The following GRIP1 variants were observed in gnomAD, a reference collection of about 807,000 sequenced individuals.
GRIP1 encodes glutamate receptor-interacting protein 1.
In GRIP1, 45 loss-of-function variants were observed where a neutral mutation model predicts 129.9. That is an observed-to-expected ratio of 0.35 (90% CI 0.27 to 0.44). The LOEUF (loss-of-function observed/expected upper bound fraction) is 0.44, where lower values mean the gene tolerates loss of function less well. Ranked by LOEUF, GRIP1 falls within the 20% of genes least tolerant of loss-of-function variation. The pLI is 1.00. For synonymous variants in GRIP1, 530 were observed against 520.8 expected (o/e 1.02, Z -0.24); for missense variants, 1,196 against 1,396.8 (o/e 0.86, Z 2.29).
intron 1 of GRIP1, among the ~76,000 whole-genome samples, chr12:66,761,127 A>T (rs557107999): frequency 9.9e-5 from 15 of 151,934 alleles, no homozygotes; most frequent in Admixed American, 9.8e-4. Flanking sequence ...TTTCCTTTTC[A>T]GCTCTCCCTA....
At chr12:66,758,871 C>G (rs2037383503) in intron 1 of GRIP1, among the ~76,000 whole-genome samples, 1 of 152,114 alleles carries the variant, frequency 6.6e-6, no homozygotes, top group Non-Finnish European at 1.5e-5. Context: ...TTGGGCAGCT[C>G]TGCTCCTGTG....
intron 1 of GRIP1, among the ~76,000 whole-genome samples, chr12:66,707,694 CA>C (rs1488523700): frequency 6.6e-6 from 1 of 151,836 alleles, no homozygotes; most frequent in Non-Finnish European, 1.5e-5. Flanking sequence ...TCCTCTTTTA[CA>C]AAGTTGGATG....
rs150011931 is a variant in GRIP1, at chr12:66,761,395, C to T, written c.-420+42658G>A. 5.9e-5 allele frequency among the ~76,000 whole-genome samples: 9 copies of T among 152,260 alleles called. No individual in the cohort carries two copies. In the East Asian group the frequency reaches 1.2e-3, roughly 20 times the overall value. On this transcript the variant is annotated intron_variant, in intron 1 of 4. Coordinates refer to the GRIP1 transcript ENST00000538373. ...TACTTTTTGCTCCAGCTTATTTCTG[C>T]ATATTTGCTTATTGTTTCCTTACCT...
intron 2 of GRIP1, chr12:66,569,007 G>T: frequency 2.1e-6 from 1 of 468,400 alleles, no homozygotes; most frequent in South Asian, 1.6e-5. Context: ...TTCTATCTGC[G>T]TGCTTCTCAG....
At chr12:67,015,215 CATTAAG>C (rs1239188090) in intron 1 of GRIP1, among the ~76,000 whole-genome samples, 1 of 152,136 alleles carries the variant, frequency 6.6e-6, no homozygotes, top group East Asian at 1.9e-4. Flanking sequence ...TTCTGCAGCA[CATTAAG>C]ATGTGCATTA....
chr12:67,053,202 G>T (rs1320864665), intron 1 of GRIP1, among the ~76,000 whole-genome samples: 1 of 152,146 alleles, frequency 6.6e-6, no homozygotes, highest in Non-Finnish European at 1.5e-5. Context: ...GGAATGCTGT[G>T]CCAGGCATTT....
At chr12:66,576,504 C>A (rs181085042) in intron 2 of GRIP1, among the ~76,000 whole-genome samples, 1 of 152,172 alleles carries the variant, frequency 6.6e-6, no homozygotes, top group Non-Finnish European at 1.5e-5. Context: ...CTGACTCACT[C>A]GAGAGCTGTG....
At chr12:66,495,297 G>A (rs556615917) in intron 7 of GRIP1, among the ~76,000 whole-genome samples, 1 of 152,352 alleles carries the variant, frequency 6.6e-6, no homozygotes, top group South Asian at 2.1e-4. Flanking sequence ...CTAAAAGAAA[G>A]TTATGAGAGA....
intron 1 of GRIP1, among the ~76,000 whole-genome samples, chr12:66,768,324 T>C (rs570205839): frequency 7.9e-5 from 12 of 152,242 alleles, no homozygotes; most frequent in Admixed American, 1.3e-4. Flanking sequence ...TCCCAAGTTA[T>C]ATAATTGTGG....
intron 1 of GRIP1, among the ~76,000 whole-genome samples, chr12:66,843,518 G>A (rs1453512044): frequency 6.6e-6 from 1 of 152,002 alleles, no homozygotes; most frequent in Admixed American, 6.6e-5. Flanking sequence ...ATCATGAAAA[G>A]ACTAACAAAT....
upstream of GRIP1, among the ~76,000 whole-genome samples, chr12:66,808,464 C>T (rs1430011131): frequency 6.6e-6 from 1 of 151,812 alleles, no homozygotes; most frequent in Non-Finnish European, 1.5e-5. Context: ...TGTCCAGCTA[C>T]TTTTTGTGTT....
intron 7 of GRIP1, among the ~76,000 whole-genome samples, chr12:66,481,738 C>T (rs12426787): frequency 0.22 from 33,634 of 152,016 alleles, 4,288 homozygotes; most frequent in Middle Eastern, 0.41. Context: ...GAAAATGTGG[C>T]GCATATATAC....
chr12:66,817,470 C>T (rs774774768), intron 1 of GRIP1, among the ~76,000 whole-genome samples: 14 of 152,120 alleles, frequency 9.2e-5, no homozygotes, highest in Non-Finnish European at 1.9e-4. Flanking sequence ...AGTGCAGTGA[C>T]ATGATCTCAG....
At chr12:66,814,287 A>G (rs2039162599) in intron 1 of GRIP1, among the ~76,000 whole-genome samples, 1 of 152,178 alleles carries the variant, frequency 6.6e-6, no homozygotes, top group African/African-American at 2.4e-5. Flanking sequence ...TGTGAGTATT[A>G]AATGAGTACA....
At chr12:66,744,814 G>GT (rs1218904706) in intron 1 of GRIP1, among the ~76,000 whole-genome samples, 2 of 151,938 alleles carry the variant, frequency 1.3e-5, no homozygotes, top group Non-Finnish European at 2.9e-5. Flanking sequence ...TCATAATTTA[G>GT]TTTTATACAC....
chr12:66,745,149 T>C (rs2036906176), intron 1 of GRIP1, among the ~76,000 whole-genome samples: 1 of 152,098 alleles, frequency 6.6e-6, no homozygotes, highest in African/African-American at 2.4e-5. Context: ...ATTACCTCAA[T>C]AGGATGTCAG....
intron 1 of GRIP1, among the ~76,000 whole-genome samples, chr12:66,922,163 G>A (rs1395744607): frequency 2.6e-5 from 4 of 152,302 alleles, no homozygotes; most frequent in Non-Finnish European, 4.4e-5. Context: ...AAAGAATGAG[G>A]AAAACCAATT....
chr12:67,054,678 T>C (rs1331980145), intron 1 of GRIP1, among the ~76,000 whole-genome samples: 1 of 151,250 alleles, frequency 6.6e-6, no homozygotes, highest in Non-Finnish European at 1.5e-5. Context: ...ACAGGAGAAT[T>C]GCTTGAACCC....
intron 1 of GRIP1, among the ~76,000 whole-genome samples, chr12:66,998,336 T>C (rs1179010199): frequency 2.0e-5 from 3 of 152,142 alleles, no homozygotes; most frequent in Non-Finnish European, 4.4e-5. Context: ...ATAGGGAAGT[T>C]GGAATTTCTG....
Sources: allele counts gnomAD v4.1 joint callset (sites outside exome capture counted in the v4.1 genomes callset), GRCh38; gene constraint gnomAD v4.1.1; transcripts MANE v1.5; gene names NCBI Gene and HGNC (gene_info 2026-07-23, HGNC 2026-07-21).